Variants in SYT9 observed in about 807,000 individuals in gnomAD.
SYT9 encodes the protein synaptotagmin-9.
A neutral mutation model predicts 48.4 loss-of-function variants in SYT9; 22 were observed. That is an observed-to-expected ratio of 0.45 (90% CI 0.32 to 0.65). The LOEUF (loss-of-function observed/expected upper bound fraction) is 0.65, where lower values mean the gene tolerates loss of function less well. Among genes scored for constraint, SYT9 ranks in the 30% least tolerant of loss-of-function variants. The pLI, the probability that SYT9 is intolerant of heterozygous loss-of-function variation, is 0.03. For synonymous variants in SYT9, 265 were observed against 245.0 expected, an observed-to-expected ratio of 1.08 and a Z score of -0.76; for missense variants, 577 against 622.0, an observed-to-expected ratio of 0.93 and a Z score of 0.77.
chr11:7,342,569 CT>C (rs1320222600), intron 3 of SYT9, among the ~76,000 whole-genome samples: 2 of 152,210 alleles, frequency 1.3e-5, no homozygotes, highest in African/African-American at 4.8e-5. Flanking sequence ...AGCTCTGCCC[CT>C]GTGGCTTTGC....
chr11:7,398,066 GTCTT>G (rs1846791284), intron 3 of SYT9, among the ~76,000 whole-genome samples: 1 of 152,110 alleles, frequency 6.6e-6, no homozygotes, highest in Non-Finnish European at 1.5e-5. Context: ...GAAATTTTCA[GTCTT>G]TCTTCATGAG....
chr11:7,380,809 G>A (rs985494237), intron 3 of SYT9, among the ~76,000 whole-genome samples: 2 of 151,936 alleles, frequency 1.3e-5, no homozygotes, highest in African/African-American at 4.8e-5. Flanking sequence ...AAACCATAAA[G>A]CCTTTTATTT....
At chr11:7,437,227 T>A (rs1274829986) in intron 6 of SYT9, among the ~76,000 whole-genome samples, 1 of 152,204 alleles carries the variant, frequency 6.6e-6, no homozygotes, top group Non-Finnish European at 1.5e-5. Context: ...AAGACTTTAG[T>A]GTTAAGAATG....
intron 1 of SYT9, among the ~76,000 whole-genome samples, chr11:7,256,049 T>C (rs2119781648): frequency 6.6e-6 from 1 of 152,336 alleles, no homozygotes; most frequent in Non-Finnish European, 1.5e-5. Flanking sequence ...ATTAGTCTTA[T>C]CTCTCTTCTC....
At chr11:7,385,343 T>TGA (rs1491088007) in intron 3 of SYT9, among the ~76,000 whole-genome samples, 1 of 58,536 alleles carries the variant, frequency 1.7e-5, no homozygotes, top group African/African-American at 5.5e-5. Context: ...GTTTGCTCTG[T>TGA]GTGTGTGTGT....
At chr11:7,381,548 C>T (rs781371166) in intron 3 of SYT9, among the ~76,000 whole-genome samples, 1 of 152,298 alleles carries the variant, frequency 6.6e-6, no homozygotes, top group Non-Finnish European at 1.5e-5. Flanking sequence ...GCCTCTAGTA[C>T]TGAGAAAAGC....
intron 6 of SYT9, among the ~76,000 whole-genome samples, chr11:7,448,568 G>A (rs1174755615): frequency 6.6e-6 from 1 of 152,190 alleles, no homozygotes; most frequent in African/African-American, 2.4e-5. Context: ...TTCATGCTGC[G>A]ATTATGCACG....
At chr11:7,273,784 G>A (rs546476678) in intron 1 of SYT9, among the ~76,000 whole-genome samples, 1 of 152,220 alleles carries the variant, frequency 6.6e-6, no homozygotes, top group South Asian at 2.1e-4. Context: ...GGAGTTTACA[G>A]CAAACTAACA....
intron 3 of SYT9, among the ~76,000 whole-genome samples, chr11:7,390,701 T>G (rs1019592468): frequency 5.3e-5 from 8 of 152,172 alleles, no homozygotes; most frequent in Admixed American, 2.0e-4. Context: ...GCACAAATAA[T>G]AGAATAGAAT....
chr11:7,256,489 C>T (rs1034981322), intron 1 of SYT9, among the ~76,000 whole-genome samples: 9 of 152,268 alleles, frequency 5.9e-5, no homozygotes, highest in African/African-American at 1.9e-4. Context: ...AGCCCAGGGC[C>T]ATGGAGTCCA....
In SYT9 at chr11:7,303,348, T is replaced by C. The variant is rs748586095; in HGVS notation, c.455T>C (p.Val152Ala). Residue 152 changes from valine (V) to alanine (A), a missense_variant, in exon 2 of 7, where the codon GTC (valine) becomes GCC (alanine). Val to Ala is a moderately conservative substitution (Grantham distance 64, BLOSUM62 0). Transcript: ENST00000318881. ...TGIQENCAHG[V>A]RVQRQVTEPT... is the part of the protein sequence containing the mutation. ...ATCCAGGAGAACTGTGCCCATGGCG[T>C]CCGCGTGCAGCGCCAAGTCACAGAG... 3.1e-6 allele frequency: 5 copies of C among 1,612,848 alleles called. No homozygotes were observed. Among genetic ancestry groups the C allele is most frequent in the Non-Finnish European group, 4.2e-6 (5 of 1,179,958 alleles).
chr11:7,352,388 A>G (rs1354974536), intron 3 of SYT9, among the ~76,000 whole-genome samples: 2 of 152,212 alleles, frequency 1.3e-5, no homozygotes, highest in East Asian at 1.9e-4. Flanking sequence ...CAGAGGGTTT[A>G]TGTAGACTAG....
intron 1 of SYT9, among the ~76,000 whole-genome samples, chr11:7,286,625 T>C (rs1848599882): frequency 6.6e-6 from 1 of 152,242 alleles, no homozygotes; most frequent in African/African-American, 2.4e-5. Flanking sequence ...ATTGTCAGGC[T>C]GCAAATTTTC....
chr11:7,328,542 C>T (rs1849475431), intron 3 of SYT9, among the ~76,000 whole-genome samples: 1 of 152,046 alleles, frequency 6.6e-6, no homozygotes, highest in Admixed American at 6.6e-5. Context: ...ACCTTTGACT[C>T]CAGTTACCTC....
In SYT9 at chr11:7,277,626, A is replaced by G. The variant is rs562475660; in HGVS notation, c.145+25295A>G. ...TATTATAAAGTGTATTATGTTAGGC[A>G]TGTGGGCAATATGACTCAATGAATA... On this transcript the variant is annotated intron_variant, in intron 1 of 6. Coordinates refer to ENST00000318881, the MANE Select transcript of SYT9 (RefSeq NM_175733.4). 4.1e-4 allele frequency among the ~76,000 whole-genome samples: 62 copies of G among 152,350 alleles called. 1 individual carries two copies. Among genetic ancestry groups the G allele is most frequent in the Admixed American group, 1.7e-3 (26 of 15,300 alleles).
At chr11:7,266,587 G>A (rs10839754) in intron 1 of SYT9, among the ~76,000 whole-genome samples, 100,055 of 151,932 alleles carry the variant, frequency 0.66, 33,103 homozygotes, top group East Asian at 0.73. Context: ...CTTTTCGATT[G>A]CATTGTCTTC....
intron 1 of SYT9, among the ~76,000 whole-genome samples, chr11:7,282,926 GCA>G (rs151278873): frequency 4.7e-4 from 64 of 135,522 alleles, no homozygotes; most frequent in African/African-American, 6.1e-4. Context: ...ACACACACAC[GCA>G]CACACACACA....
At chr11:7,393,078 G>T (rs181219056) in intron 3 of SYT9, among the ~76,000 whole-genome samples, 2 of 152,166 alleles carry the variant, frequency 1.3e-5, no homozygotes, top group African/African-American at 4.8e-5. Flanking sequence ...TTCCTATTTA[G>T]ATGTCTTTTA....
chr11:7,399,509 A>C (rs1470066184), intron 3 of SYT9, among the ~76,000 whole-genome samples: 3 of 152,204 alleles, frequency 2.0e-5, no homozygotes, highest in Non-Finnish European at 4.4e-5. Flanking sequence ...AATACACAGC[A>C]CTGAATTTTA....
Sources: allele counts gnomAD v4.1 joint callset (sites outside exome capture counted in the v4.1 genomes callset), GRCh38; gene constraint gnomAD v4.1.1; transcripts MANE v1.5; gene names NCBI Gene and HGNC (gene_info 2026-07-23, HGNC 2026-07-21).